Variants in TMX3 observed in about 807,000 individuals in gnomAD.
TMX3 encodes the protein protein disulfide-isomerase TMX3.
Under a neutral mutation model 64.4 loss-of-function variants are expected in TMX3, and 40 were observed. That is an observed-to-expected ratio of 0.62 (90% CI 0.48 to 0.81). The LOEUF (loss-of-function observed/expected upper bound fraction) is 0.81. Among genes scored for constraint, TMX3 ranks in the 30% least tolerant of loss-of-function variants. The probability of loss-of-function intolerance (pLI) is 0.00; values close to 1 mark genes in which losing one functional copy is unlikely to be tolerated. For synonymous variants in TMX3, 189 were observed against 175.7 expected (o/e 1.08, Z -0.60); for missense variants, 497 against 534.5 (o/e 0.93, Z 0.69).
At chr18:68,685,417 C>G (rs1913848041) in intron 10 of TMX3, among the ~76,000 whole-genome samples, 1 of 152,176 alleles carries the variant, frequency 6.6e-6, no homozygotes, top group Non-Finnish European at 1.5e-5. Flanking sequence ...TCTTCTAACT[C>G]TCTGATGAAA....
chr18:68,688,675 GATTTAA>G (rs921513483), intron 9 of TMX3: 5 of 152,002 alleles, frequency 3.3e-5, no homozygotes, highest in African/African-American at 9.7e-5. Flanking sequence ...AGAATTTATT[GATTTAA>G]ATTTATAAAT....
chr18:68,704,511 A>G (rs1481807722), intron 4 of TMX3, among the ~76,000 whole-genome samples: 5 of 152,220 alleles, frequency 3.3e-5, no homozygotes, highest in Non-Finnish European at 5.9e-5. Flanking sequence ...GGTAATTCAG[A>G]TTAAGAAACT....
intron 4 of TMX3, among the ~76,000 whole-genome samples, chr18:68,708,514 G>A (rs543515427): frequency 6.6e-6 from 1 of 152,076 alleles, no homozygotes; most frequent in Admixed American, 6.5e-5. Context: ...TTTAGTATGG[G>A]ACATGTCTAT....
At chr18:68,691,818 T>C (rs1453457774) in intron 8 of TMX3, among the ~76,000 whole-genome samples, 1 of 152,222 alleles carries the variant, frequency 6.6e-6, no homozygotes, top group Non-Finnish European at 1.5e-5. Context: ...AACTGCTTTA[T>C]AAGCCACTTA....
intron 8 of TMX3, among the ~76,000 whole-genome samples, chr18:68,691,930 A>G (rs902067627): frequency 6.6e-6 from 1 of 152,018 alleles, no homozygotes; most frequent in Non-Finnish European, 1.5e-5. Context: ...TCAGAAGACA[A>G]ATAATTTGAG....
chr18:68,708,571 C>T (rs76859678), intron 4 of TMX3, among the ~76,000 whole-genome samples: 3,761 of 152,206 alleles, frequency 0.025, 147 homozygotes, highest in African/African-American at 0.083. Flanking sequence ...CCCACAACAG[C>T]AGGCTCCCAG....
rs1415435676 is a variant in TMX3, at chr18:68,713,909, A to T, written c.47-9T>A. On this transcript the variant is annotated splice_polypyrimidine_tract_variant and intron_variant, in intron 1 of 15. Transcript: ENST00000299608. Reference sequence around the variant, plus strand: ...CATATCAAGTACAACAACTGAAAAAAAAAGACAAAATGTACACAATAAATG... The same window carrying T: ...CATATCAAGTACAACAACTGAAAAATAAAGACAAAATGTACACAATAAATG... The T allele has an allele frequency of 1.9e-6, 3 of 1,565,726 alleles. No homozygotes were observed. Among genetic ancestry groups the T allele is most frequent in the Non-Finnish European group, 2.6e-6 (3 of 1,146,832 alleles).
In TMX3 at chr18:68,684,252, G is replaced by C. The variant is rs528481623; in HGVS notation, c.795-9C>G. ...GAATAATTGACTTCAATCTGTAGAA[G>C]AACAAACATATGAATAGTTCATCTC... On this transcript the variant is annotated splice_polypyrimidine_tract_variant and intron_variant, in intron 11 of 15. Transcript: ENST00000299608. The C allele has an allele frequency of 5.0e-6, 8 of 1,608,516 alleles. No individual in the cohort carries two copies. Among genetic ancestry groups the C allele is most frequent in the African/African-American group, 2.7e-5 (2 of 74,822 alleles).
In TMX3 at chr18:68,715,095, G is replaced by A; in HGVS notation, c.-114C>T. 6.6e-7 allele frequency: 1 copy of A among 1,523,304 alleles called. No homozygotes were observed. Among genetic ancestry groups the A allele is most frequent in the Non-Finnish European group, 8.8e-7 (1 of 1,132,342 alleles). The allele number at this position is 1,523,304 out of a possible 1,614,324, so 94.4% of individuals were successfully genotyped here. A position where few individuals can be genotyped will look rare whatever the true frequency, so the allele number is the denominator to read the frequency against. ...GGAGCCGACCCGGAGCGGAAGAGAA[G>A]CACCGCGCTAACTACGGGGGCGGGG... On this transcript the variant is annotated 5_prime_UTR_variant, in exon 1 of 16. Transcript: ENST00000299608.
At chr18:68,682,686 G>C (rs1220107262) in intron 13 of TMX3, among the ~76,000 whole-genome samples, 1 of 149,696 alleles carries the variant, frequency 6.7e-6, no homozygotes, top group African/African-American at 2.5e-5. Flanking sequence ...CAGAATACTA[G>C]AAAACATTAA....
In TMX3 at chr18:68,687,740, T is replaced by C; in HGVS notation, c.663A>G (p.Ser221=). ...TCTGAAACCTTTCCCTGTTGATCCATGATGACAGATCACCATCTTCATACT... is the reference window on the plus strand; with the variant it reads ...TCTGAAACCTTTCCCTGTTGATCCACGATGACAGATCACCATCTTCATACT... ...YDEYEDGDLS[S]WINRERFQNY... The change falls in exon 10 of 16, where the codon TCA becomes TCG. Residue 221 remains serine (S), a synonymous_variant. Coordinates refer to ENST00000299608, the MANE Select transcript of TMX3 (RefSeq NM_019022.5). The C allele has an allele frequency of 6.2e-7, 1 of 1,611,874 alleles. No homozygotes were observed. Among genetic ancestry groups the C allele is most frequent in the Middle Eastern group, 1.7e-4 (1 of 6,048 alleles).
chr18:68,700,507 A>G (rs1290532670), intron 5 of TMX3, 22 bp from the exon 6 acceptor site: 2 of 1,426,120 alleles, frequency 1.4e-6, no homozygotes, highest in African/African-American at 1.4e-5. Context: ...AAAAAAAATT[A>G]AAACCTGGAT....
intron 14 of TMX3, among the ~76,000 whole-genome samples, chr18:68,680,724 C>T (rs1913337449): frequency 6.6e-6 from 1 of 152,080 alleles, no homozygotes; most frequent in African/African-American, 2.4e-5. Flanking sequence ...ATCACCATGA[C>T]AACCAAAAAT....
intron 6 of TMX3, 67 bp downstream of exon 6, chr18:68,700,338 T>C: frequency 9.2e-7 from 1 of 1,091,650 alleles, no homozygotes; most frequent in Non-Finnish European, 1.3e-6. Flanking sequence ...TTCAATACAG[T>C]CTATTAAAAT....
intron 4 of TMX3, among the ~76,000 whole-genome samples, chr18:68,702,505 T>C (rs890943583): frequency 1.3e-5 from 2 of 152,044 alleles, no homozygotes; most frequent in South Asian, 2.1e-4. Flanking sequence ...CCTTAAACAG[T>C]AGAGAAATCA....
chr18:68,695,773 T>C (rs1393507796), intron 8 of TMX3, among the ~76,000 whole-genome samples: 1 of 152,246 alleles, frequency 6.6e-6, no homozygotes, highest in African/African-American at 2.4e-5. Context: ...TACGCATACC[T>C]ATCTAACGCA....
At chr18:68,713,291 T>C (rs2031474951) in intron 2 of TMX3, among the ~76,000 whole-genome samples, 1 of 152,158 alleles carries the variant, frequency 6.6e-6, no homozygotes, top group Admixed American at 6.5e-5. Flanking sequence ...GACCACTGGG[T>C]TGGGAGTGTA....
intron 9 of TMX3, 50 bp downstream of exon 9, chr18:68,691,245 G>C (rs1474745263): frequency 7.7e-7 from 1 of 1,290,684 alleles, no homozygotes; most frequent in Non-Finnish European, 1.1e-6. Flanking sequence ...TTGTATAACA[G>C]ACATTTTAAT....
At chr18:68,697,704 T>C (rs1487434566) in intron 7 of TMX3, 1 of 452,588 alleles carries the variant, frequency 2.2e-6, no homozygotes, top group South Asian at 4.7e-5. Flanking sequence ...CAGAAAAAAA[T>C]GCTAAGGCAG....
Sources: allele counts gnomAD v4.1 joint callset (sites outside exome capture counted in the v4.1 genomes callset), GRCh38; gene constraint gnomAD v4.1.1; transcripts MANE v1.5; gene names NCBI Gene and HGNC (gene_info 2026-07-23, HGNC 2026-07-21).